FBXL13: variants seen among roughly 807,000 people sequenced by gnomAD.
The protein encoded by FBXL13 is F-box and leucine rich repeat protein 13, also known as F-box and leucine-rich repeat protein 13.
FBXL13 carries 67 observed loss-of-function variants against 83.6 expected under a neutral mutation model. That is an observed-to-expected ratio of 0.80 (90% CI 0.66 to 0.98). The LOEUF is 0.98. Among genes scored for constraint, FBXL13 ranks in the 50% least tolerant of loss-of-function variants. The pLI, the probability that FBXL13 is intolerant of heterozygous loss-of-function variation, is 0.00. For missense variants in FBXL13, 822 were observed against 866.5 expected, an observed-to-expected ratio of 0.95 and a Z score of 0.64; for synonymous variants, 272 against 299.5, an observed-to-expected ratio of 0.91 and a Z score of 0.95.
chr7:102,933,856 G>A, intron 8 of FBXL13: 2 of 1,479,188 alleles, frequency 1.4e-6, no homozygotes, highest in Non-Finnish European at 1.8e-6. Flanking sequence ...GATTTCAAAG[G>A]AATACTTTCA....
At chr7:102,862,099 C>G (rs973916771) in intron 16 of FBXL13, among the ~76,000 whole-genome samples, 19 of 151,938 alleles carry the variant, frequency 1.3e-4, no homozygotes, top group African/African-American at 4.6e-4. Context: ...AATCCCAGCA[C>G]TTTTGGAGGC....
intron 6 of FBXL13, among the ~76,000 whole-genome samples, chr7:103,002,167 T>A (rs1790469152): frequency 6.6e-6 from 1 of 152,180 alleles, no homozygotes; most frequent in South Asian, 2.1e-4. Flanking sequence ...ATTTTGAGTG[T>A]ATCTATTACA....
chr7:102,813,560 G>C (rs1224591676), intron 19 of FBXL13, 29 bp from the exon 21 acceptor site: 1 of 1,599,210 alleles, frequency 6.3e-7, no homozygotes, highest in Admixed American at 1.7e-5. Context: ...GCATTAGCTA[G>C]TTGCAGAAGT....
At chr7:102,856,079 T>C (rs998056903) in intron 16 of FBXL13, among the ~76,000 whole-genome samples, 8 of 152,324 alleles carry the variant, frequency 5.3e-5, no homozygotes, top group African/African-American at 1.9e-4. Context: ...GTGCCATAAG[T>C]TTTTATTTGT....
chr7:102,870,316 A>G (rs547035074), intron 16 of FBXL13, among the ~76,000 whole-genome samples: 3 of 152,290 alleles, frequency 2.0e-5, no homozygotes, highest in South Asian at 2.1e-4. Context: ...AACCATCACC[A>G]TATGATTTAT....
Position 103,062,040 on chromosome 7 carries a change from AAAAAC to A in FBXL13, c.-104-6298_-104-6294del, listed in dbSNP as rs1259230591. On this transcript the variant is annotated intron_variant, in intron 1 of 19. Transcript: ENST00000313221. ...TCATAATTACCAAAAAAAAAAAAAAAAAAACAAACCTTTGCTTTAAAACCATAATT... is the reference window on the plus strand; with the variant it reads ...TCATAATTACCAAAAAAAAAAAAAAAAAACCTTTGCTTTAAAACCATAATT... Among the ~76,000 whole-genome samples the A allele has an allele frequency of 3.0e-3, 459 of 151,456 alleles. 1 individual carries two copies. The highest frequency in any genetic ancestry group is 0.011 in the African/African-American group (452 of 41,156).
chr7:102,953,423 C>T (rs1823732402), intron 8 of FBXL13, among the ~76,000 whole-genome samples: 1 of 151,954 alleles, frequency 6.6e-6, no homozygotes, highest in Non-Finnish European at 1.5e-5. Context: ...AAAACCATTT[C>T]AGTTGACTTA....
chr7:102,905,230 T>C (rs944037045), intron 11 of FBXL13, among the ~76,000 whole-genome samples: 4 of 152,196 alleles, frequency 2.6e-5, no homozygotes, highest in African/African-American at 9.7e-5. Flanking sequence ...CCAGCTACTA[T>C]TGTATTGGGG....
chr7:102,907,223 C>T (rs149298894), intron 11 of FBXL13, among the ~76,000 whole-genome samples: 12 of 152,296 alleles, frequency 7.9e-5, no homozygotes, highest in African/African-American at 2.9e-4. Flanking sequence ...CTACTTCTAT[C>T]TCTTTGTCTA....
At chr7:103,033,853 A>T (rs1390268743) in intron 2 of FBXL13, among the ~76,000 whole-genome samples, 1 of 152,018 alleles carries the variant, frequency 6.6e-6, no homozygotes, top group Admixed American at 6.6e-5. Flanking sequence ...CATCCTGCTG[A>T]TCGGTAGAGC....
At chr7:102,930,036 G>C (rs1818889810) in intron 9 of FBXL13, among the ~76,000 whole-genome samples, 1 of 152,090 alleles carries the variant, frequency 6.6e-6, no homozygotes, top group Non-Finnish European at 1.5e-5. Context: ...GTGGTGGGGA[G>C]GGAAGGGTAG....
intron 17 of FBXL13, among the ~76,000 whole-genome samples, chr7:102,845,094 G>T (rs1443154409): frequency 6.6e-6 from 1 of 152,014 alleles, no homozygotes; most frequent in Non-Finnish European, 1.5e-5. Flanking sequence ...GATTTTTATG[G>T]GGGCTTCGTC....
intron 2 of FBXL13, among the ~76,000 whole-genome samples, chr7:103,041,634 T>G (rs1585513668): frequency 1.3e-5 from 2 of 152,120 alleles, no homozygotes; most frequent in Admixed American, 6.6e-5. Context: ...ACAATCAAGT[T>G]GGCTTCATCC....
chr7:103,029,448 A>G (rs1236060531), intron 2 of FBXL13, 30 bp from the exon 4 acceptor site: 1 of 1,235,926 alleles, frequency 8.1e-7, no homozygotes, highest in Admixed American at 2.6e-5. Context: ...GAAATAACAA[A>G]TATTAGAAAT....
At position 102,832,993 on chromosome 7, in the gene FBXL13, T is replaced by A. The variant is rs1483505969; in HGVS notation, c.1720-19A>T. ...AGAATGCCTGCAAAAAATTCCAAGG[T>A]CAAATTTTTTCTTTTCTTTAGTCAT... On this transcript the variant is annotated intron_variant, in intron 17 of 19. Coordinates refer to ENST00000313221, the Ensembl canonical transcript of FBXL13. The A allele has an allele frequency of 6.2e-7, 1 of 1,613,618 alleles. No homozygotes were observed. The highest frequency in any genetic ancestry group is 1.1e-5 in the South Asian group (1 of 91,014).
chr7:102,837,704 TG>T (rs1802240684), intron 17 of FBXL13, among the ~76,000 whole-genome samples: 1 of 152,170 alleles, frequency 6.6e-6, no homozygotes, highest in South Asian at 2.1e-4. Context: ...CTACCATGCC[TG>T]GCTCATTTTT....
At chr7:102,875,486 TAGAG>T (rs1809100241) in intron 16 of FBXL13, among the ~76,000 whole-genome samples, 1 of 152,084 alleles carries the variant, frequency 6.6e-6, no homozygotes, top group African/African-American at 2.4e-5. Context: ...TCTATCCAGC[TAGAG>T]AGAAAGTTGG....
chr7:102,917,834 C>T (rs1816206830), intron 10 of FBXL13, among the ~76,000 whole-genome samples: 3 of 152,108 alleles, frequency 2.0e-5, no homozygotes, highest in Non-Finnish European at 4.4e-5. Flanking sequence ...GAGAGTGCCA[C>T]CTAGGTTGTG....
At chr7:102,865,296 T>A (rs971214602) in intron 16 of FBXL13, among the ~76,000 whole-genome samples, 9 of 152,244 alleles carry the variant, frequency 5.9e-5, no homozygotes, top group African/African-American at 2.2e-4. Context: ...TGGTATTGCA[T>A]ACTGCATTCT....
Sources: allele counts gnomAD v4.1 joint callset (sites outside exome capture counted in the v4.1 genomes callset), GRCh38; gene constraint gnomAD v4.1.1; transcripts MANE v1.5; gene names NCBI Gene and HGNC (gene_info 2026-07-23, HGNC 2026-07-21).